Variants in LRMDA observed in about 807,000 individuals in gnomAD.
The protein encoded by LRMDA is leucine rich melanocyte differentiation associated, also known as leucine-rich melanocyte differentiation-associated protein.
In LRMDA, 18 loss-of-function variants were observed where a neutral mutation model predicts 29.8. That is an observed-to-expected ratio of 0.60 (90% confidence interval 0.42 to 0.90). LRMDA has a LOEUF of 0.90. Among genes scored for constraint, LRMDA ranks in the 40% least tolerant of loss-of-function variants. The probability of loss-of-function intolerance (pLI) is 0.00; values close to 1 mark genes in which losing one functional copy is unlikely to be tolerated. For synonymous variants in LRMDA, 125 were observed against 109.4 expected (o/e 1.14, Z -0.89); for missense variants, 273 against 273.9 (o/e 1.00, Z 0.02).
At chr10:75,541,556 C>T (rs2132049007) in intron 2 of LRMDA, among the ~76,000 whole-genome samples, 1 of 152,032 alleles carries the variant, frequency 6.6e-6, no homozygotes, top group South Asian at 2.1e-4. Context: ...AGTAGGGAGC[C>T]CTGAGAAATG....
chr10:76,191,048 C>G (rs1426815369), intron 5 of LRMDA, among the ~76,000 whole-genome samples: 3 of 152,082 alleles, frequency 2.0e-5, no homozygotes, highest in Non-Finnish European at 2.9e-5. Flanking sequence ...TTGCCCCAAG[C>G]CACACATAGC....
At chr10:76,160,323 A>G (rs1385332689) in intron 5 of LRMDA, among the ~76,000 whole-genome samples, 2 of 151,980 alleles carry the variant, frequency 1.3e-5, no homozygotes, top group Non-Finnish European at 2.9e-5. Flanking sequence ...AATTGAAAGT[A>G]AAAAGTTCTT....
intron 2 of LRMDA, among the ~76,000 whole-genome samples, chr10:75,613,410 G>C (rs1286788692): frequency 3.3e-5 from 5 of 152,296 alleles, no homozygotes; most frequent in African/African-American, 1.2e-4. Flanking sequence ...GGATGGAGGG[G>C]AACATTGTTG....
Position 76,557,486 on chromosome 10 carries a change from C to T in LRMDA, c.*198C>T. ...CCTTCTGCCTTAGACTGAGTGGTCACATAGAGATTGACATGATTGCCCTTA... is the reference window on the plus strand; with the variant it reads ...CCTTCTGCCTTAGACTGAGTGGTCATATAGAGATTGACATGATTGCCCTTA... On this transcript the variant is annotated 3_prime_UTR_variant, in exon 7 of 7. Coordinates refer to ENST00000611255, the MANE Select transcript of LRMDA (RefSeq NM_001305581.2). 7 of 602,136 alleles carry T rather than the reference C, an allele frequency of 1.2e-5. No individual in the cohort carries two copies. In the South Asian group the frequency reaches 1.2e-4, roughly 10 times the overall value. The allele number at this position is 602,136 out of a possible 1,614,324, so 37.3% of individuals were successfully genotyped here.
At chr10:75,479,104 C>T (rs1351539389) in intron 2 of LRMDA, among the ~76,000 whole-genome samples, 2 of 152,198 alleles carry the variant, frequency 1.3e-5, no homozygotes, top group Non-Finnish European at 2.9e-5. Context: ...AGAAAATGTT[C>T]CTGCCTTCAC....
intron 2 of LRMDA, among the ~76,000 whole-genome samples, chr10:75,491,868 C>G (rs1432200834): frequency 6.6e-6 from 1 of 152,124 alleles, no homozygotes; most frequent in Non-Finnish European, 1.5e-5. Flanking sequence ...ACTCCGTGAG[C>G]AAATGTAAGA....
intron 5 of LRMDA, among the ~76,000 whole-genome samples, chr10:76,260,292 C>A (rs1270174663): frequency 6.6e-6 from 1 of 151,970 alleles, no homozygotes; most frequent in Non-Finnish European, 1.5e-5. Context: ...AGTTTTATAG[C>A]CATTTTTTGC....
chr10:76,004,532 A>G (rs1417835348), intron 2 of LRMDA, among the ~76,000 whole-genome samples: 3 of 152,210 alleles, frequency 2.0e-5, no homozygotes, highest in Non-Finnish European at 4.4e-5. Context: ...TTACAGAAAG[A>G]GCGGCAGACA....
At chr10:76,280,444 C>A (rs10824388) in intron 5 of LRMDA, among the ~76,000 whole-genome samples, 62,803 of 151,922 alleles carry the variant, frequency 0.41, 13,442 homozygotes, top group South Asian at 0.59. Context: ...AAAACACAAA[C>A]GTTTTTGCAT....
At chr10:75,670,997 G>A (rs1841884742) in intron 2 of LRMDA, among the ~76,000 whole-genome samples, 1 of 152,140 alleles carries the variant, frequency 6.6e-6, no homozygotes, top group Non-Finnish European at 1.5e-5. Flanking sequence ...ACCGAGGGGA[G>A]CAAATCTCTG....
rs60923588 is a variant in LRMDA, at chr10:76,153,523, C to G, written c.516+94740C>G. 8.4e-3 allele frequency among the ~76,000 whole-genome samples: 1,272 copies of G among 152,212 alleles called. 22 individuals are homozygous for G. Among genetic ancestry groups the G allele is most frequent in the African/African-American group, 0.028 (1,178 of 41,552 alleles). On this transcript the variant is annotated intron_variant, in intron 5 of 6. Transcript: ENST00000611255. The stretch of plus-strand genomic sequence containing the variant: ...GAGGTAGGGTGGGTCCAAATGTAGT[C>G]TTTTGCATGTGGATATCCAGTTCTC...
rs191758664 is a variant in LRMDA, at chr10:76,392,933, T to C, written c.601+68448T>C. On this transcript the variant is annotated intron_variant, in intron 6 of 6. Transcript: ENST00000611255. Reference sequence around the variant, plus strand: ...TAGGATCCACATATAAGTGAGATCATGTGGTATTTGTCTTTCTTTGCCAGG... The same window carrying C: ...TAGGATCCACATATAAGTGAGATCACGTGGTATTTGTCTTTCTTTGCCAGG... 3.4e-3 allele frequency among the ~76,000 whole-genome samples: 519 copies of C among 152,278 alleles called. 1 individual carries two copies. Among genetic ancestry groups the C allele is most frequent in the Non-Finnish European group, 5.8e-3 (397 of 67,996 alleles).
chr10:75,484,738 A>T (rs1844892027), intron 2 of LRMDA, among the ~76,000 whole-genome samples: 1 of 152,234 alleles, frequency 6.6e-6, no homozygotes, highest in South Asian at 2.1e-4. Context: ...CTCTCCTCAT[A>T]TGCACAGAGA....
chr10:76,228,844 C>A (rs554506200), intron 5 of LRMDA, among the ~76,000 whole-genome samples: 60 of 152,298 alleles, frequency 3.9e-4, no homozygotes, highest in Admixed American at 1.6e-3. Flanking sequence ...TGATAGGCTC[C>A]CACTAGCTTT....
At chr10:75,455,158 T>C (rs1218544213) in intron 2 of LRMDA, among the ~76,000 whole-genome samples, 1 of 152,156 alleles carries the variant, frequency 6.6e-6, no homozygotes, top group Admixed American at 6.5e-5. Context: ...TGTACAGGCA[T>C]GGCAATAGAC....
At position 75,435,296 on chromosome 10, in the gene LRMDA, G is replaced by A. The variant is rs1449838584; in HGVS notation, c.31-3098G>A. 3.3e-5 allele frequency among the ~76,000 whole-genome samples: 5 copies of A among 152,290 alleles called. No homozygotes were observed. The East Asian group carries it at 9.7e-4, about 29-fold the overall frequency. On this transcript the variant is annotated intron_variant, in intron 1 of 6. Coordinates refer to ENST00000611255, the MANE Select transcript of LRMDA (RefSeq NM_001305581.2). The stretch of plus-strand genomic sequence containing the variant: ...TTTTTGGTTTGGCTCTTCTGGCCTT[G>A]AATCTTACATTAGGTGGTCCTGTGC...
At chr10:76,278,894 G>C (rs994832186) in intron 5 of LRMDA, among the ~76,000 whole-genome samples, 1 of 152,140 alleles carries the variant, frequency 6.6e-6, no homozygotes, top group African/African-American at 2.4e-5. Context: ...ATTGTTGCTG[G>C]GTAGAGAGAA....
intron 5 of LRMDA, among the ~76,000 whole-genome samples, chr10:76,142,441 C>T (rs1009858633): frequency 6.6e-6 from 1 of 151,938 alleles, no homozygotes; most frequent in African/African-American, 2.4e-5. Context: ...ACTACAAATA[C>T]ATTTATGTAC....
intron 2 of LRMDA, among the ~76,000 whole-genome samples, chr10:75,826,436 T>C (rs1416337980): frequency 1.3e-5 from 2 of 152,136 alleles, no homozygotes; most frequent in African/African-American, 4.8e-5. Flanking sequence ...AAAATGACTT[T>C]TGATGTTTTT....
Sources: allele counts gnomAD v4.1 joint callset (sites outside exome capture counted in the v4.1 genomes callset), GRCh38; gene constraint gnomAD v4.1.1; transcripts MANE v1.5; gene names NCBI Gene and HGNC (gene_info 2026-07-23, HGNC 2026-07-21).